Variants in OPCML observed in about 807,000 individuals in gnomAD.
OPCML encodes the protein opioid binding protein/cell adhesion molecule like.
OPCML carries 13 observed loss-of-function variants against 37.8 expected under a neutral mutation model. The ratio of observed to expected loss-of-function variants is 0.34; its 90% CI spans 0.22 to 0.55. OPCML has a LOEUF of 0.55. Among genes scored for constraint, OPCML ranks in the 20% least tolerant of loss-of-function variants. The pLI, the probability that OPCML is intolerant of heterozygous loss-of-function variation, is 0.91. For synonymous variants in OPCML, 176 were observed against 168.8 expected (o/e 1.04, Z -0.33); for missense variants, 341 against 435.6 (o/e 0.78, Z 1.93).
chr11:133,202,884 T>C (rs905747391), intron 1 of OPCML, among the ~76,000 whole-genome samples: 17 of 152,240 alleles, frequency 1.1e-4, no homozygotes, highest in African/African-American at 3.9e-4. Flanking sequence ...CTCCCGGACA[T>C]GCAGCTCAGC....
chr11:133,082,225 G>A (rs1430158774), intron 1 of OPCML, among the ~76,000 whole-genome samples: 2 of 151,628 alleles, frequency 1.3e-5, no homozygotes, highest in Non-Finnish European at 2.9e-5. Context: ...ACGACCCGGG[G>A]TCCTGGGCCA....
intron 2 of OPCML, among the ~76,000 whole-genome samples, chr11:132,676,081 A>G (rs1440875981): frequency 1.3e-5 from 2 of 152,224 alleles, no homozygotes; most frequent in African/African-American, 2.4e-5. Flanking sequence ...TAGCACTGGC[A>G]TAAAGATAAA....
intron 1 of OPCML, among the ~76,000 whole-genome samples, chr11:133,100,814 G>A (rs1417947893): frequency 6.6e-6 from 1 of 152,202 alleles, no homozygotes; most frequent in Non-Finnish European, 1.5e-5. Flanking sequence ...AAAAGGAAGT[G>A]AAAATAGATC....
chr11:132,734,999 T>C (rs1476418905), intron 2 of OPCML, among the ~76,000 whole-genome samples: 1 of 152,190 alleles, frequency 6.6e-6, no homozygotes, highest in East Asian at 1.9e-4. Flanking sequence ...ACAAAATCTA[T>C]CTAACTAGGT....
chr11:132,797,538 A>G (rs954195062), intron 2 of OPCML, among the ~76,000 whole-genome samples: 2 of 152,234 alleles, frequency 1.3e-5, no homozygotes, highest in African/African-American at 4.8e-5. Context: ...AAAGCGAGTC[A>G]TATAAACATT....
chr11:133,457,411 C>T (rs7116878), intron 1 of OPCML, among the ~76,000 whole-genome samples: 20,043 of 151,856 alleles, frequency 0.13, 3,145 homozygotes, highest in African/African-American at 0.37. Context: ...TGGTGGTGCA[C>T]GCCTGTAGTC....
At chr11:132,835,307 G>A (rs889996353) in intron 2 of OPCML, among the ~76,000 whole-genome samples, 1 of 152,214 alleles carries the variant, frequency 6.6e-6, no homozygotes, top group Non-Finnish European at 1.5e-5. Context: ...TAGTACAAAC[G>A]AAGTGAGAAA....
chr11:132,480,732 A>C (rs2096176817), intron 4 of OPCML, among the ~76,000 whole-genome samples: 2 of 152,242 alleles, frequency 1.3e-5, no homozygotes, highest in African/African-American at 4.8e-5. Flanking sequence ...CTTAAAGAAA[A>C]GAATTTTCAA....
intron 3 of OPCML, among the ~76,000 whole-genome samples, chr11:132,570,327 T>C (rs2096434333): frequency 6.6e-6 from 1 of 152,118 alleles, no homozygotes; most frequent in African/African-American, 2.4e-5. Flanking sequence ...ACAGGAACAT[T>C]GCTGACCCCT....
At chr11:133,309,127 G>A (rs536911157) in intron 1 of OPCML, among the ~76,000 whole-genome samples, 1 of 152,120 alleles carries the variant, frequency 6.6e-6, no homozygotes, top group Non-Finnish European at 1.5e-5. Flanking sequence ...TCAAAAAAAT[G>A]GGCAGAAGTT....
intron 2 of OPCML, among the ~76,000 whole-genome samples, chr11:132,803,867 G>A (rs1300249084): frequency 6.6e-6 from 1 of 152,208 alleles, no homozygotes. Flanking sequence ...AGTTTAATAT[G>A]TAAGGCATTC....
At chr11:132,762,516 G>A (rs186610044) in intron 2 of OPCML, among the ~76,000 whole-genome samples, 8 of 152,354 alleles carry the variant, frequency 5.3e-5, no homozygotes, top group Admixed American at 3.9e-4. Flanking sequence ...TGCCCAGAGA[G>A]GAGGAATCTA....
At chr11:132,948,506 T>C (rs1392744978) in intron 1 of OPCML, among the ~76,000 whole-genome samples, 4 of 152,066 alleles carry the variant, frequency 2.6e-5, no homozygotes, top group South Asian at 2.1e-4. Flanking sequence ...GAGCATTAGA[T>C]AAAAGAAATG....
At chr11:132,757,431 T>C (rs1946093330) in intron 2 of OPCML, among the ~76,000 whole-genome samples, 1 of 152,180 alleles carries the variant, frequency 6.6e-6, no homozygotes, top group African/African-American at 2.4e-5. Flanking sequence ...TGTAAAAGCG[T>C]TCCTATTTCT....
At chr11:133,406,306 T>C (rs1945524542) in intron 1 of OPCML, among the ~76,000 whole-genome samples, 1 of 151,966 alleles carries the variant, frequency 6.6e-6, no homozygotes, top group Non-Finnish European at 1.5e-5. Context: ...CCTGCAGAGA[T>C]TGGAGGGTAA....
chr11:132,937,038 G>A (rs990191350), intron 2 of OPCML, among the ~76,000 whole-genome samples: 1 of 152,094 alleles, frequency 6.6e-6, no homozygotes, highest in Non-Finnish European at 1.5e-5. Context: ...AAGATATCTT[G>A]GACTGTAATT....
intron 1 of OPCML, chr11:133,298,615 A>G (rs1942694508): frequency 6.6e-6 from 1 of 152,190 alleles, no homozygotes; most frequent in Non-Finnish European, 1.5e-5. Context: ...GAGAAATGTC[A>G]TTCCACAGGG....
At chr11:132,701,045 T>A (rs749892135) in intron 2 of OPCML, among the ~76,000 whole-genome samples, 6 of 152,156 alleles carry the variant, frequency 3.9e-5, no homozygotes, top group Non-Finnish European at 8.8e-5. Context: ...TAGTGACCAT[T>A]TTTGTATTAG....
At chr11:133,034,324 TG>T (rs1478804741) in intron 1 of OPCML, among the ~76,000 whole-genome samples, 1 of 151,512 alleles carries the variant, frequency 6.6e-6, no homozygotes, top group East Asian at 1.9e-4. Flanking sequence ...TGTGTGTGTG[TG>T]TGTGTGTGTG....
Sources: gnomAD v4.1 joint callset for allele counts (sites outside exome capture counted in the v4.1 genomes callset) on GRCh38, gnomAD v4.1.1 for gene constraint, MANE v1.5 for transcripts, NCBI Gene and HGNC (gene_info 2026-07-23, HGNC 2026-07-21) for gene names.